Variants in TNFRSF21 observed in about 807,000 individuals in gnomAD.
TNFRSF21 encodes the protein tumor necrosis factor receptor superfamily member 21.
Under a neutral mutation model 45.6 loss-of-function variants are expected in TNFRSF21, and 19 were observed. The ratio of observed to expected loss-of-function variants is 0.42; its 90% CI spans 0.29 to 0.61. The LOEUF (loss-of-function observed/expected upper bound fraction) is 0.61. Ranked by LOEUF, TNFRSF21 falls within the 20% of genes least tolerant of loss-of-function variation. The pLI is 0.23. For synonymous variants in TNFRSF21, 314 were observed against 335.5 expected (o/e 0.94, Z 0.70); for missense variants, 737 against 851.5 (o/e 0.87, Z 1.67).
chr6:47,307,060 T>G (rs570778647), intron 1 of TNFRSF21, among the ~76,000 whole-genome samples: 7 of 152,284 alleles, frequency 4.6e-5, no homozygotes, highest in Non-Finnish European at 1.0e-4. Context: ...GCATGCAGAA[T>G]AAGAATGTGA....
chr6:47,234,972 T>C (rs1764646114), intron 4 of TNFRSF21, 74 bp from the exon 5 acceptor site: 6 of 900,122 alleles, frequency 6.7e-6, no homozygotes, highest in African/African-American at 1.8e-5. Flanking sequence ...CCTCAGAGGC[T>C]ATTTTTTTTG....
chr6:47,233,793 A>G (rs1764620329), intron 5 of TNFRSF21, among the ~76,000 whole-genome samples: 2 of 151,974 alleles, frequency 1.3e-5, no homozygotes, highest in Non-Finnish European at 2.9e-5. Context: ...TCACTAAAAT[A>G]TAACTGGAAT....
At position 47,286,474 on chromosome 6, in the gene TNFRSF21, C is replaced by G. The variant is rs1762651049; in HGVS notation, c.218G>C (p.Gly73Ala). ...QVLTCDKCPAGTYVSEHCTNT... is the reference protein window; with the variant it reads ...QVLTCDKCPAATYVSEHCTNT... The stretch of plus-strand genomic sequence containing the variant: ...GGTACAATGCTCAGAGACATAGGTT[C>G]CTGCTGGACACTTGTCACAGGTTAG... The change falls in exon 2 of 6, where the codon GGA (glycine) becomes GCA (alanine). Residue 73 changes from glycine to alanine, a missense_variant. By Grantham distance (60) the Gly-to-Ala change is moderately conservative. Transcript: ENST00000296861. 1.2e-6 allele frequency: 2 copies of G among 1,614,086 alleles called. No individual in the cohort carries two copies. Among genetic ancestry groups the G allele is most frequent in the Non-Finnish European group, 1.7e-6 (2 of 1,180,042 alleles).
rs1764937343 is a variant in TNFRSF21, at chr6:47,253,627, T to C, written c.1244-106A>G. On this transcript the variant is annotated intron_variant, in intron 3 of 5. Transcript: ENST00000296861. ...GAACTAGAAGAGGCACGCTTTCCTA[T>C]CGCTGTATGTCAAAGGAATGCATTG... The C allele has an allele frequency of 1.2e-5, 16 of 1,337,906 alleles. No individual in the cohort carries two copies. In the South Asian group the frequency reaches 2.0e-4, roughly 17 times the overall value. The allele number at this position is 1,337,906 out of a possible 1,614,324, so 82.9% of individuals were successfully genotyped here. A position where few individuals can be genotyped will look rare whatever the true frequency, so the allele number is the denominator to read the frequency against.
chr6:47,300,514 T>C (rs948878443), intron 1 of TNFRSF21, among the ~76,000 whole-genome samples: 3 of 152,224 alleles, frequency 2.0e-5, no homozygotes, highest in African/African-American at 4.8e-5. Flanking sequence ...AGTGAGTTTT[T>C]ATTTTTTTTA....
chr6:47,232,624 AACACAC>A lies in TNFRSF21; in HGVS notation c.*135_*140del, dbSNP rs34093099. 6,121 of 554,276 alleles carry A rather than the reference AACACAC, an allele frequency of 0.011. 17 individuals carry two copies. The highest frequency in any genetic ancestry group is 0.023 in the African/African-American group (1,168 of 50,120). The allele number at this position is 554,276 out of a possible 1,614,324, so 34.3% of individuals were successfully genotyped here. ...CAAGCACTGGCCATATTCTCTGTTA[AACACAC>A]ACACACACACACACACACACACACA... On this transcript the variant is annotated 3_prime_UTR_variant, in exon 6 of 6. Coordinates refer to ENST00000296861, the MANE Select transcript of TNFRSF21 (RefSeq NM_014452.5).
intron 4 of TNFRSF21, 116 bp from the exon 5 acceptor site, chr6:47,235,014 C>A (rs1433480416): frequency 1.1e-5 from 6 of 532,534 alleles, no homozygotes; most frequent in Non-Finnish European, 6.1e-6. Context: ...TACATCCTCC[C>A]ACTTCAGTTG....
intron 3 of TNFRSF21, among the ~76,000 whole-genome samples, chr6:47,256,794 G>T (rs1182929350): frequency 6.6e-6 from 1 of 152,156 alleles, no homozygotes; most frequent in Non-Finnish European, 1.5e-5. Context: ...AACACCAAAA[G>T]TCTTGTTAGT....
intron 4 of TNFRSF21, among the ~76,000 whole-genome samples, chr6:47,235,121 G>T (rs1375419268): frequency 2.6e-5 from 4 of 152,076 alleles, no homozygotes; most frequent in Non-Finnish European, 5.9e-5. Flanking sequence ...AAACGGGGAG[G>T]CATATGAACC....
chr6:47,269,260 C>T (rs73473644), intron 3 of TNFRSF21, among the ~76,000 whole-genome samples: 5,327 of 151,980 alleles, frequency 0.035, 313 homozygotes, highest in African/African-American at 0.12. Context: ...CACACACATA[C>T]ACACATTGCC....
chr6:47,291,509 G>A (rs562338775), intron 1 of TNFRSF21, among the ~76,000 whole-genome samples: 28 of 152,264 alleles, frequency 1.8e-4, no homozygotes, highest in African/African-American at 6.3e-4. Context: ...TGAGGGCTCA[G>A]GTCAGCTGAA....
At chr6:47,240,380 G>T (rs1764727871) in intron 4 of TNFRSF21, among the ~76,000 whole-genome samples, 1 of 152,182 alleles carries the variant, frequency 6.6e-6, no homozygotes, top group Non-Finnish European at 1.5e-5. Flanking sequence ...GAGACCTGAA[G>T]AAATAAGCCA....
At chr6:47,258,236 G>T (rs9473041) in intron 3 of TNFRSF21, among the ~76,000 whole-genome samples, 54,562 of 151,470 alleles carry the variant, frequency 0.36, 11,185 homozygotes, top group East Asian at 0.55. Flanking sequence ...GAGGCGTGGT[G>T]GTGCACACCT....
chr6:47,276,982 GGTTTT>G (rs952968247), intron 3 of TNFRSF21, among the ~76,000 whole-genome samples: 23 of 151,948 alleles, frequency 1.5e-4, no homozygotes, highest in Admixed American at 4.6e-4. Flanking sequence ...CAGTTTTTTT[GGTTTT>G]GTTTTGTTTT....
intron 1 of TNFRSF21, among the ~76,000 whole-genome samples, chr6:47,292,226 T>G (rs930433816): frequency 6.6e-6 from 1 of 152,134 alleles, no homozygotes; most frequent in Non-Finnish European, 1.5e-5. Flanking sequence ...CATTGAAAAG[T>G]GCAAGAGAGT....
Position 47,284,321 on chromosome 6 carries a change from T to C in TNFRSF21, c.860A>G (p.Asp287Gly), listed in dbSNP as rs771126691. The change falls in exon 3 of 6, where the codon GAC (aspartate) becomes GGC (glycine). Residue 287 changes from aspartate (D) to glycine (G), a missense_variant. Transcript: ENST00000296861. ...DNTSSARGKEDVNKTLPNLQV... is the reference protein window; with the variant it reads ...DNTSSARGKEGVNKTLPNLQV... ...AAGGTTTGGGAGGGTCTTGTTCACGTCTTCCTTCCCCCTTGCTGAGCTTGT... is the reference window on the plus strand; with the variant it reads ...AAGGTTTGGGAGGGTCTTGTTCACGCCTTCCTTCCCCCTTGCTGAGCTTGT... The C allele has an allele frequency of 3.7e-6, 6 of 1,600,986 alleles. No individual in the cohort carries two copies. Among genetic ancestry groups the C allele is most frequent in the Non-Finnish European group, 5.1e-6 (6 of 1,174,096 alleles).
rs116381256 is a variant in TNFRSF21 at position 47,283,921 on chromosome 6, G to A, written c.1243+17C>T. The A allele has an allele frequency of 4.3e-3, 6,925 of 1,604,802 alleles. 250 individuals carry two copies. In the African/African-American group the frequency reaches 0.081, roughly 19 times the overall value. ...GTAGAGAGATCTGTGAGCAAGGAGA[G>A]AAGAGAGAAGGCTCACCATGGCCAT... On this transcript the variant is annotated intron_variant, in intron 3 of 5. Transcript: ENST00000296861.
chr6:47,282,915 G>T (rs1009803079), intron 3 of TNFRSF21, among the ~76,000 whole-genome samples: 3 of 152,096 alleles, frequency 2.0e-5, no homozygotes, highest in Non-Finnish European at 4.4e-5. Context: ...GAGACATGAT[G>T]TTGGGTTAAA....
At chr6:47,263,847 G>T (rs1329919502) in intron 3 of TNFRSF21, among the ~76,000 whole-genome samples, 1 of 152,162 alleles carries the variant, frequency 6.6e-6, no homozygotes, top group African/African-American at 2.4e-5. Flanking sequence ...TAAAAGAGTG[G>T]TATGTCTCAC....
Sources: gnomAD v4.1 joint callset for allele counts (sites outside exome capture counted in the v4.1 genomes callset) on GRCh38, gnomAD v4.1.1 for gene constraint, MANE v1.5 for transcripts, NCBI Gene and HGNC (gene_info 2026-07-23, HGNC 2026-07-21) for gene names.